Variants in GPR89B observed in about 807,000 individuals in gnomAD.
GPR89B encodes golgi pH regulator B, also known as G protein-coupled receptor 89B.
GPR89B carries 25 observed loss-of-function variants against 52.4 expected under a neutral mutation model. The observed-to-expected ratio is 0.48, with a 90% CI of 0.35 to 0.67. The LOEUF is 0.67. Among genes scored for constraint, GPR89B ranks in the 30% least tolerant of loss-of-function variants. The pLI is 0.01. For synonymous variants in GPR89B, 52 were observed against 151.2 expected (o/e 0.34, Z 4.81); for missense variants, 146 against 450.2 (o/e 0.32, Z 6.11).
chr1:147,990,368 A>G (rs1272762548), intron 12 of GPR89B, among the ~76,000 whole-genome samples: 19 of 152,094 alleles, frequency 1.2e-4, no homozygotes, highest in East Asian at 7.7e-4. Flanking sequence ...AGATAAGTAG[A>G]TTGCAAAAAT....
At chr1:147,945,899 A>AT (rs1320750277) in intron 5 of GPR89B, among the ~76,000 whole-genome samples, 1 of 151,260 alleles carries the variant, frequency 6.6e-6, no homozygotes, top group Admixed American at 6.6e-5. Flanking sequence ...TAATTTTGGT[A>AT]TTTTTTCATA....
chr1:147,966,321 C>T (rs1292791147), intron 7 of GPR89B, among the ~76,000 whole-genome samples: 1 of 151,290 alleles, frequency 6.6e-6, no homozygotes, highest in African/African-American at 2.4e-5. Flanking sequence ...ATAGCAGAGC[C>T]AGTCCTCAAA....
intron 10 of GPR89B, among the ~76,000 whole-genome samples, chr1:147,981,953 C>T (rs1225740782): frequency 3.3e-5 from 5 of 151,706 alleles, no homozygotes; most frequent in South Asian, 4.2e-4. Context: ...TGCCCGGCCT[C>T]GTGTATAAGT....
chr1:147,972,371 A>T (rs1179081798), intron 10 of GPR89B, among the ~76,000 whole-genome samples: 1,556 of 150,962 alleles, frequency 0.01, 56 homozygotes, highest in African/African-American at 0.036. Context: ...CATATGGCAG[A>T]TGTAATGTTT....
At chr1:148,020,480 G>C in the GPR89B span, among the ~76,000 whole-genome samples, 2 of 151,380 alleles carry the variant, frequency 1.3e-5, no homozygotes, top group Non-Finnish European at 2.9e-5. Context: ...GGAGGCGTTG[G>C]CAGTTCAGTG....
the GPR89B span, among the ~76,000 whole-genome samples, chr1:148,024,934 C>T: frequency 2.2e-3 from 340 of 152,112 alleles, 12 homozygotes; most frequent in Middle Eastern, 0.01. Flanking sequence ...TCCGTATGCT[C>T]AGTCTAAAAA....
chr1:148,014,408 C>A, the GPR89B span: 1 of 151,394 alleles, frequency 6.6e-6, no homozygotes, highest in Non-Finnish European at 1.5e-5. Flanking sequence ...TGAGCCAAGG[C>A]ATGTCAGGAG....
chr1:147,989,195 T>C (rs1658879204), intron 12 of GPR89B, among the ~76,000 whole-genome samples: 2 of 148,636 alleles, frequency 1.3e-5, no homozygotes, highest in South Asian at 2.2e-4. Context: ...AGAGAAGATA[T>C]GGAAGTAAGG....
chr1:147,936,990 T>C (rs1419337372), intron 2 of GPR89B, among the ~76,000 whole-genome samples: 1 of 152,128 alleles, frequency 6.6e-6, no homozygotes, highest in Non-Finnish European at 1.5e-5. Flanking sequence ...CTCACAAATG[T>C]TCCCTTTCAT....
rs1363058883 is a variant in GPR89B at position 147,948,758 on chromosome 1, T to A, written c.416-4587T>A. Among the ~76,000 whole-genome samples the A allele has an allele frequency of 6.4e-5, 7 of 108,652 alleles. No individual in the cohort carries two copies. In the East Asian group the frequency reaches 1.3e-3, roughly 21 times the overall value. The allele number at this position is 108,652 out of a possible 152,430, so 71.3% of individuals were successfully genotyped here. On this transcript the variant is annotated intron_variant, in intron 5 of 13. Coordinates refer to ENST00000314163, the MANE Select transcript of GPR89B (RefSeq NM_016334.5). ...GTGGAAGCCAAGAAGATAAAATAAT[T>A]TTTTTTTTTTTTTTTTTTTTAATTG... is the stretch of plus-strand genomic sequence containing the variant.
At chr1:148,018,606 T>C in the GPR89B span, among the ~76,000 whole-genome samples, 19,762 of 146,290 alleles carry the variant, frequency 0.14, 2,138 homozygotes, top group African/African-American at 0.33. Flanking sequence ...AAAGGAAATG[T>C]GGACTCTAAT....
chr1:147,949,856 T>A (rs1553250630), intron 5 of GPR89B, among the ~76,000 whole-genome samples: 2 of 119,662 alleles, frequency 1.7e-5, no homozygotes, highest in African/African-American at 3.5e-5. Context: ...GGCTCCTCAC[T>A]TCCCAGTAGG....
intron 5 of GPR89B, among the ~76,000 whole-genome samples, chr1:147,945,246 G>A (rs1175765058): frequency 9.1e-5 from 13 of 142,620 alleles, no homozygotes; most frequent in Non-Finnish European, 1.7e-4. Context: ...CACATGGGCC[G>A]GGTTTTTTGG....
At chr1:148,006,748 G>GCTCTGTCA in the GPR89B span, among the ~76,000 whole-genome samples, 6 of 149,192 alleles carry the variant, frequency 4.0e-5, no homozygotes, top group South Asian at 1.3e-3. Flanking sequence ...ATGGAGTCTT[G>GCTCTGTCA]CTCTGTCACC....
At chr1:147,975,317 T>C (rs1348710613) in intron 10 of GPR89B, among the ~76,000 whole-genome samples, 6 of 141,196 alleles carry the variant, frequency 4.2e-5, no homozygotes, top group African/African-American at 1.6e-4. Context: ...CCTTGGATGG[T>C]AGGCTTATTA....
At chr1:148,011,342 G>T in the GPR89B span, 1 of 152,192 alleles carries the variant, frequency 6.6e-6, no homozygotes, top group Non-Finnish European at 1.5e-5. Context: ...TGAAAGTGGG[G>T]GTGTTTCCGG....
chr1:148,021,446 G>C, the GPR89B span, among the ~76,000 whole-genome samples: 450 of 152,088 alleles, frequency 3.0e-3, 8 homozygotes, highest in African/African-American at 0.01. Context: ...AGCTTGCAGT[G>C]AGCCGAGATC....
At chr1:147,941,510 A>G (rs1179275555) in intron 3 of GPR89B, among the ~76,000 whole-genome samples, 65 of 151,558 alleles carry the variant, frequency 4.3e-4, no homozygotes, top group African/African-American at 1.5e-3. Flanking sequence ...TTGTTTCGTG[A>G]TGCCTGCCAT....
the GPR89B span, among the ~76,000 whole-genome samples, chr1:148,022,898 A>AT: frequency 6.6e-6 from 1 of 151,426 alleles, no homozygotes; most frequent in Non-Finnish European, 1.5e-5. Context: ...GTAATATTTA[A>AT]TTTTTAAAAT....
Sources: allele counts gnomAD v4.1 joint callset (sites outside exome capture counted in the v4.1 genomes callset), GRCh38; gene constraint gnomAD v4.1.1; transcripts MANE v1.5; gene names NCBI Gene and HGNC (gene_info 2026-07-23, HGNC 2026-07-21).